TIMMDC1: variants seen among roughly 807,000 people sequenced by gnomAD.
The protein encoded by TIMMDC1 is complex I assembly factor TIMMDC1, mitochondrial.
A neutral mutation model predicts 32.6 loss-of-function variants in TIMMDC1; 25 were observed. The observed-to-expected ratio is 0.77, with a 90% CI of 0.56 to 1.07. The LOEUF is 1.07. TIMMDC1 is among the 50% of genes least tolerant of loss of function. TIMMDC1 has a pLI of 0.00. For synonymous variants in TIMMDC1, 130 were observed against 127.6 expected (o/e 1.02, Z -0.13); for missense variants, 329 against 349.2 (o/e 0.94, Z 0.46).
At chr3:119,510,368 G>A (rs1181946793) in intron 4 of TIMMDC1, among the ~76,000 whole-genome samples, 1 of 152,106 alleles carries the variant, frequency 6.6e-6, no homozygotes, top group Non-Finnish European at 1.5e-5. Flanking sequence ...AGTTAACCCA[G>A]TATTTTTCTA....
At chr3:119,521,922 G>A (rs2082029179) in intron 6 of TIMMDC1, among the ~76,000 whole-genome samples, 1 of 152,112 alleles carries the variant, frequency 6.6e-6, no homozygotes, top group Non-Finnish European at 1.5e-5. Flanking sequence ...TTTTGGCAAG[G>A]ATGTAGAAAG....
intron 6 of TIMMDC1, among the ~76,000 whole-genome samples, chr3:119,521,411 A>G (rs779809900): frequency 6.6e-6 from 1 of 152,092 alleles, no homozygotes; most frequent in Non-Finnish European, 1.5e-5. Flanking sequence ...AAAAATTGTC[A>G]TGGTGCACAC....
At chr3:119,500,914 T>C in intron 2 of TIMMDC1, 54 bp downstream of exon 2, 1 of 1,542,084 alleles carries the variant, frequency 6.5e-7, no homozygotes, top group Non-Finnish European at 8.9e-7. Flanking sequence ...GTAATTCACT[T>C]TACACTTAAT....
At chr3:119,521,901 CAA>C (rs2082029091) in intron 6 of TIMMDC1, among the ~76,000 whole-genome samples, 1 of 151,858 alleles carries the variant, frequency 6.6e-6, no homozygotes, top group Non-Finnish European at 1.5e-5. Context: ...ATCAGAAAGA[CAA>C]AAAATAAATT....
chr3:119,509,011 G>A (rs2081936014), intron 4 of TIMMDC1, among the ~76,000 whole-genome samples: 1 of 152,108 alleles, frequency 6.6e-6, no homozygotes, highest in South Asian at 2.1e-4. Flanking sequence ...TTTGAGACCA[G>A]CCTGGCCAAC....
chr3:119,499,522 G>A (rs1284031615), intron 1 of TIMMDC1, among the ~76,000 whole-genome samples: 1 of 151,568 alleles, frequency 6.6e-6, no homozygotes, highest in Non-Finnish European at 1.5e-5. Context: ...GGTTCAAGCG[G>A]TTCTCCTGCC....
chr3:119,509,042 C>A (rs946186055), intron 4 of TIMMDC1, among the ~76,000 whole-genome samples: 1 of 152,048 alleles, frequency 6.6e-6, no homozygotes, highest in African/African-American at 2.4e-5. Context: ...CTCGCCTCCA[C>A]TAAAAATACG....
intron 1 of TIMMDC1, 55 bp from the exon 2 acceptor site, chr3:119,500,640 G>A: frequency 6.6e-7 from 1 of 1,516,024 alleles, no homozygotes; most frequent in Non-Finnish European, 9.0e-7. Context: ...AGAGTCTCTT[G>A]GAGAGCAATG....
At chr3:119,523,402 A>G (rs1318427981) in intron 6 of TIMMDC1, among the ~76,000 whole-genome samples, 1 of 152,214 alleles carries the variant, frequency 6.6e-6, no homozygotes, top group African/African-American at 2.4e-5. Context: ...GGTATCCATT[A>G]TGGTAATGTG....
At chr3:119,499,013 A>G in intron 1 of TIMMDC1, 86 bp downstream of exon 1, 1 of 1,107,868 alleles carries the variant, frequency 9.0e-7, no homozygotes, top group South Asian at 1.4e-5. Context: ...GCCTTAGGAC[A>G]CCAAGGATGG....
chr3:119,507,283 G>A (rs754182063), intron 4 of TIMMDC1, among the ~76,000 whole-genome samples: 6 of 152,114 alleles, frequency 3.9e-5, no homozygotes, highest in Non-Finnish European at 5.9e-5. Context: ...TTGTTTCACA[G>A]TTCTTGGATA....
At chr3:119,518,274 C>G (rs1018881280) in intron 6 of TIMMDC1, among the ~76,000 whole-genome samples, 8 of 152,136 alleles carry the variant, frequency 5.3e-5, no homozygotes, top group Admixed American at 5.2e-4. Context: ...TTCACTAGTT[C>G]ACCTTCCTGG....
intron 4 of TIMMDC1, among the ~76,000 whole-genome samples, chr3:119,505,495 A>T (rs556883359): frequency 6.6e-6 from 1 of 152,042 alleles, no homozygotes; most frequent in South Asian, 2.1e-4. Flanking sequence ...CCTCCCTAGT[A>T]GCTGGGATTA....
intron 1 of TIMMDC1, chr3:119,500,449 C>G (rs970694147): frequency 1.5e-5 from 6 of 393,546 alleles, no homozygotes; most frequent in African/African-American, 1.0e-4. Flanking sequence ...CAAAAGCTCC[C>G]CTTGTGCCTT....
chr3:119,500,469 T>G, intron 1 of TIMMDC1: 1 of 425,342 alleles, frequency 2.4e-6, no homozygotes, highest in Non-Finnish European at 4.1e-6. Context: ...TTTCCGGTCA[T>G]TGTCTTTTCA....
chr3:119,499,556 T>A (rs965199096), intron 1 of TIMMDC1, among the ~76,000 whole-genome samples: 3 of 152,094 alleles, frequency 2.0e-5, no homozygotes, highest in African/African-American at 7.2e-5. Context: ...TAGCTGGGAT[T>A]ACAGTTGCCC....
chr3:119,503,539 C>T lies in TIMMDC1; in HGVS notation c.368C>T (p.Ala123Val), dbSNP rs1478843590. Residue 123 changes from alanine to valine, a missense_variant, in exon 3 of 7, where the codon GCA becomes GTA. Coordinates refer to ENST00000494664, the MANE Select transcript of TIMMDC1 (RefSeq NM_016589.4). Reference protein sequence around the residue: ...YHNRFDAVQSAHRAATRGFIR... With the variant: ...YHNRFDAVQSVHRAATRGFIR... ...TTTTTTAATTAACTTTAGCAATCTG[C>T]ACATCGTGCTGCCACACGAGGCTTC... 4 of 1,607,228 alleles carry T rather than the reference C, an allele frequency of 2.5e-6. No individual in the cohort carries two copies. In the African/African-American group the frequency reaches 4.0e-5, roughly 16 times the overall value.
chr3:119,505,142 C>T (rs896966933), intron 4 of TIMMDC1, among the ~76,000 whole-genome samples: 14 of 150,952 alleles, frequency 9.3e-5, no homozygotes, highest in African/African-American at 3.2e-4. Flanking sequence ...TGTGAAGTAA[C>T]GTGTAGGTTA....
chr3:119,512,430 C>T (rs546285943), intron 4 of TIMMDC1, among the ~76,000 whole-genome samples: 63 of 152,206 alleles, frequency 4.1e-4, no homozygotes, highest in Middle Eastern at 3.4e-3. Context: ...AGGTGTGTGC[C>T]GCCATGCCCG....
Sources: allele counts gnomAD v4.1 joint callset (sites outside exome capture counted in the v4.1 genomes callset), GRCh38; gene constraint gnomAD v4.1.1; transcripts MANE v1.5; gene names NCBI Gene and HGNC (gene_info 2026-07-23, HGNC 2026-07-21).